Variants in DERA observed in about 807,000 individuals in gnomAD.
The protein encoded by DERA is deoxyribose-phosphate aldolase, also known as 2-deoxy-D-ribose 5-phosphate aldolase.
Under a neutral mutation model 41.1 loss-of-function variants are expected in DERA, and 15 were observed. The ratio of observed to expected loss-of-function variants is 0.37; its 90% CI spans 0.24 to 0.56. The LOEUF (loss-of-function observed/expected upper bound fraction) is 0.56. Ranked by LOEUF, DERA falls within the 20% of genes least tolerant of loss-of-function variation. DERA has a pLI of 0.81. For missense variants in DERA, 396 were observed against 403.4 expected (o/e 0.98, Z 0.16); for synonymous variants, 139 against 137.4 (o/e 1.01, Z -0.08).
intron 1 of DERA, chr12:15,956,478 A>G (rs1386422688): frequency 6.4e-6 from 2 of 310,518 alleles, no homozygotes; most frequent in African/African-American, 4.4e-5. Context: ...TAATCTTGCC[A>G]GTAAGCGGGT....
At chr12:15,956,165 A>G (rs911313113) in intron 1 of DERA, among the ~76,000 whole-genome samples, 2 of 152,218 alleles carry the variant, frequency 1.3e-5, no homozygotes, top group Non-Finnish European at 2.9e-5. Flanking sequence ...GTTCTGTGGT[A>G]GAGATCTATC....
chr12:16,031,657 G>C (rs577831493), intron 6 of DERA, among the ~76,000 whole-genome samples: 12 of 152,128 alleles, frequency 7.9e-5, no homozygotes, highest in African/African-American at 2.4e-4. Flanking sequence ...TGTGAACCTA[G>C]GTAAGTTTAT....
chr12:15,981,860 G>A lies in DERA; in HGVS notation c.509-448G>A, dbSNP rs952143552. 4.1e-5 allele frequency among the ~76,000 whole-genome samples: 1 copy of A among 24,564 alleles called. No homozygotes were observed. The highest frequency in any genetic ancestry group is 7.3e-5 in the Non-Finnish European group (1 of 13,644). 16.1% of individuals were successfully genotyped at this position (24,564 alleles called of 152,430 possible). A position where few individuals can be genotyped will look rare whatever the true frequency, so the allele number is the denominator to read the frequency against. On this transcript the variant is annotated intron_variant, in intron 5 of 8. Transcript: ENST00000428559. The surrounding 1 kb of genome is among the most constrained non-coding windows in gnomAD (Gnocchi z 6.1). ...TGTCATGAACATAACTCTCAAGAAAGGTGTGCTTTATATCCAACCAAAGAA... is the reference window on the plus strand; with the variant it reads ...TGTCATGAACATAACTCTCAAGAAAAGTGTGCTTTATATCCAACCAAAGAA...
intron 1 of DERA, among the ~76,000 whole-genome samples, chr12:15,929,819 C>T (rs1483181829): frequency 6.6e-6 from 1 of 151,946 alleles, no homozygotes; most frequent in Non-Finnish European, 1.5e-5. Flanking sequence ...GAAGGATGAC[C>T]CTGTATCCCA....
rs1440180037 is a variant in DERA at position 16,019,770 on chromosome 12, T to G, written c.638-12772T>G. ...AAGTTATTTCTCTGATCCTTTGTAA[T>G]TCTTATTGATCATAATACTTACTGG... On this transcript the variant is annotated intron_variant, in intron 6 of 8. Coordinates refer to ENST00000428559, the MANE Select transcript of DERA (RefSeq NM_015954.4). The surrounding 1 kb of genome is among the most constrained non-coding windows in gnomAD (Gnocchi z 4.4). Among the ~76,000 whole-genome samples, 1 of 152,228 alleles carries G rather than the reference T, an allele frequency of 6.6e-6. No homozygotes were observed. The highest frequency in any genetic ancestry group is 2.4e-5 in the African/African-American group (1 of 41,468).
At chr12:15,952,833 C>T (rs1002202256) in intron 1 of DERA, among the ~76,000 whole-genome samples, 1 of 152,232 alleles carries the variant, frequency 6.6e-6, no homozygotes, top group African/African-American at 2.4e-5. Flanking sequence ...CATAGTCAGT[C>T]AAACAAGCCA....
rs988856920 is a variant in DERA at position 15,915,436 on chromosome 12, A to G, written c.31+4022A>G. Among the ~76,000 whole-genome samples the G allele has an allele frequency of 1.1e-4, 16 of 152,084 alleles. No homozygotes were observed. The highest frequency in any genetic ancestry group is 3.3e-4 in the Admixed American group (5 of 15,276). ...TGCAAAGTTAACGTTTAATTTTTGG[A>G]ATGGATATTTATTTATTTATTTGTT... On this transcript the variant is annotated intron_variant, in intron 1 of 8. Coordinates refer to ENST00000428559, the MANE Select transcript of DERA (RefSeq NM_015954.4). The surrounding 1 kb of genome is among the most constrained non-coding windows in gnomAD (Gnocchi z 4.8).
At chr12:15,962,679 C>A in intron 4 of DERA, 134 bp from the exon 5 acceptor site, 2 of 651,294 alleles carry the variant, frequency 3.1e-6, no homozygotes, top group Non-Finnish European at 5.1e-6. Context: ...TCTTTAAATG[C>A]TGATGTTTGG....
chr12:15,955,994 G>A (rs1197738762), intron 1 of DERA, among the ~76,000 whole-genome samples: 2 of 152,196 alleles, frequency 1.3e-5, no homozygotes, highest in African/African-American at 2.4e-5. Flanking sequence ...CCGATTTACC[G>A]TGAGGCCACC....
At chr12:15,962,146 A>C (rs972110830) in intron 4 of DERA, among the ~76,000 whole-genome samples, 16 of 152,198 alleles carry the variant, frequency 1.1e-4, no homozygotes, top group African/African-American at 3.9e-4. Flanking sequence ...TCAAGAGTGT[A>C]GTTGTGTTTT....
rs1948253253 is a variant in DERA, at chr12:15,922,797, G to A, written c.31+11383G>A. Among the ~76,000 whole-genome samples, 1 of 152,062 alleles carries A rather than the reference G, an allele frequency of 6.6e-6. No individual in the cohort carries two copies. The highest frequency in any genetic ancestry group is 2.4e-5 in the African/African-American group (1 of 41,378). On this transcript the variant is annotated intron_variant, in intron 1 of 8. Coordinates refer to ENST00000428559, the MANE Select transcript of DERA (RefSeq NM_015954.4). The surrounding 1 kb of genome is among the most constrained non-coding windows in gnomAD (Gnocchi z 4.9). ...TGTGGAACCTTGCGGGGTGGGGAGG[G>A]GCTTCAGTACATTGGCTTGTACTTT...
In DERA at chr12:15,982,312, G is replaced by A; in HGVS notation, c.513G>A (p.Leu171=). ...CTCAATTATTTTCTTCCCCAGCCCT[G>A]TATGATGAGATTCGTCAGTTTCGCA... is the stretch of plus-strand genomic sequence containing the variant. ...SLVLTGQWEA[L]YDEIRQFRKA... is the part of the protein sequence containing the mutation. Residue 171 remains leucine, a synonymous_variant, in exon 6 of 9, where the codon CTG becomes CTA. Coordinates refer to ENST00000428559, the MANE Select transcript of DERA (RefSeq NM_015954.4). This position sits in a 1 kb window ranked among gnomAD's most constrained non-coding sequence, Gnocchi z 4.0. 6.2e-7 allele frequency: 1 copy of A among 1,612,650 alleles called. No individual in the cohort carries two copies. The highest frequency in any genetic ancestry group is 8.5e-7 in the Non-Finnish European group (1 of 1,179,574).
In DERA at chr12:16,019,117, G is replaced by A. The variant is rs1211057889; in HGVS notation, c.638-13425G>A. On this transcript the variant is annotated intron_variant, in intron 6 of 8. Coordinates refer to ENST00000428559, the MANE Select transcript of DERA (RefSeq NM_015954.4). This position sits in a 1 kb window ranked among gnomAD's most constrained non-coding sequence, Gnocchi z 4.4. Reference sequence around the variant, plus strand: ...GCATTTATTTCTCTAAAGTAATTTCGTTTTAGCAGAAGGGCAAAGGAAGCA... The same window carrying A: ...GCATTTATTTCTCTAAAGTAATTTCATTTTAGCAGAAGGGCAAAGGAAGCA... Among the ~76,000 whole-genome samples the A allele has an allele frequency of 3.3e-5, 5 of 152,130 alleles. No homozygotes were observed. The highest frequency in any genetic ancestry group is 2.1e-4 in the South Asian group (1 of 4,826).
In DERA at chr12:15,962,854, C is replaced by G; in HGVS notation, c.415C>G (p.Arg139Gly). Residue 139 changes from arginine (R) to glycine (G), a missense_variant, in exon 5 of 9, where the codon CGA becomes GGA. Physicochemically the swap from Arg to Gly is moderately radical, Grantham distance 125 (BLOSUM62 -2). Transcript: ENST00000428559. ...AGCTGGACAGACTCATTTGAAGACA[C>G]GATTAGAAGAGATCAGATTGGCTGT... ...FPAGQTHLKT[R>G]LEEIRLAVED... 6.4e-7 allele frequency: 1 copy of G among 1,564,388 alleles called. No homozygotes were observed. The highest frequency in any genetic ancestry group is 8.7e-7 in the Non-Finnish European group (1 of 1,153,160).
intron 1 of DERA, among the ~76,000 whole-genome samples, chr12:15,927,655 G>A (rs1948297147): frequency 6.6e-6 from 1 of 152,116 alleles, no homozygotes; most frequent in Admixed American, 6.5e-5. Context: ...TAGTCATACG[G>A]CTAGCAAGAG....
chr12:15,992,931 T>C lies in DERA; in HGVS notation c.637+10495T>C, dbSNP rs1452574076. 6.6e-6 allele frequency among the ~76,000 whole-genome samples: 1 copy of C among 152,154 alleles called. No individual in the cohort carries two copies. The highest frequency in any genetic ancestry group is 1.5e-5 in the Non-Finnish European group (1 of 68,012). On this transcript the variant is annotated intron_variant, in intron 6 of 8. Coordinates refer to ENST00000428559, the MANE Select transcript of DERA (RefSeq NM_015954.4). The surrounding 1 kb of genome is among the most constrained non-coding windows in gnomAD (Gnocchi z 4.3). ...GAGTAGAAAAGCACTAAAGATGCAA[T>C]CATAATGTCATCAGGTTTGAATTGC...
Position 15,918,150 on chromosome 12 carries a change from G to A in DERA, c.31+6736G>A, listed in dbSNP as rs11056710. 6.6e-6 allele frequency among the ~76,000 whole-genome samples: 1 copy of A among 152,144 alleles called. No homozygotes were observed. The highest frequency in any genetic ancestry group is 2.4e-5 in the African/African-American group (1 of 41,420). ...GCAGATGTTCTTCTCACTGTTCTCA[G>A]GCTCTGACCCCTGAGCTGGGCCTCC... On this transcript the variant is annotated intron_variant, in intron 1 of 8. Coordinates refer to ENST00000428559, the MANE Select transcript of DERA (RefSeq NM_015954.4). The surrounding 1 kb of genome is among the most constrained non-coding windows in gnomAD (Gnocchi z 4.3).
In DERA at chr12:15,955,066, G is replaced by A. The variant is rs546670090; in HGVS notation, c.32-1870G>A. 8.5e-5 allele frequency among the ~76,000 whole-genome samples: 13 copies of A among 152,110 alleles called. No homozygotes were observed. The East Asian group carries it at 1.9e-3, about 23-fold the overall frequency. On this transcript the variant is annotated intron_variant, in intron 1 of 8. Transcript: ENST00000428559. ...TGTAATCCCAGCACTTTAGGAGGGCGAGGCAGGTAGATCACTTGAGGTCGG... is the reference window on the plus strand; with the variant it reads ...TGTAATCCCAGCACTTTAGGAGGGCAAGGCAGGTAGATCACTTGAGGTCGG...
chr12:15,963,160 T>G (rs993303999), intron 5 of DERA, among the ~76,000 whole-genome samples: 5 of 152,234 alleles, frequency 3.3e-5, no homozygotes, highest in Non-Finnish European at 7.3e-5. Context: ...TTTCAGATCC[T>G]TTTGAGTGCT....
Sources: allele counts gnomAD v4.1 joint callset (sites outside exome capture counted in the v4.1 genomes callset), GRCh38; gene constraint gnomAD v4.1.1; non-coding constraint Gnocchi (gnomAD v3.1); transcripts MANE v1.5; gene names NCBI Gene and HGNC (gene_info 2026-07-23, HGNC 2026-07-21).